The following SYNPR variants were observed in gnomAD, a reference collection of about 807,000 sequenced individuals.
SYNPR encodes the protein synaptoporin.
In SYNPR, 23 loss-of-function variants were observed where a neutral mutation model predicts 32.9. The observed-to-expected ratio is 0.70, with a 90% confidence interval of 0.50 to 0.99. The LOEUF is 0.99. Among genes scored for constraint, SYNPR ranks in the 50% least tolerant of loss-of-function variants. The probability of loss-of-function intolerance (pLI) is 0.00; values close to 1 mark genes in which losing one functional copy is unlikely to be tolerated. For synonymous variants in SYNPR, 146 were observed against 135.9 expected (o/e 1.07, Z -0.52); for missense variants, 318 against 349.3 (o/e 0.91, Z 0.71).
intron 3 of SYNPR, among the ~76,000 whole-genome samples, chr3:63,536,576 T>C (rs1178547790): frequency 6.6e-6 from 1 of 152,154 alleles, no homozygotes; most frequent in African/African-American, 2.4e-5. Context: ...AAACATATGA[T>C]TATGTTACCA....
intron 2 of SYNPR, among the ~76,000 whole-genome samples, chr3:63,349,363 G>A (rs939434377): frequency 6.6e-6 from 1 of 152,152 alleles, no homozygotes; most frequent in African/African-American, 2.4e-5. Flanking sequence ...GCCTCCCAAA[G>A]TCCTGGAATT....
intron 5 of SYNPR, among the ~76,000 whole-genome samples, chr3:63,612,693 C>T (rs892204898): frequency 1.3e-5 from 2 of 152,150 alleles, no homozygotes; most frequent in African/African-American, 4.8e-5. Flanking sequence ...TTAAATATGC[C>T]CATTGAAATG....
intron 3 of SYNPR, among the ~76,000 whole-genome samples, chr3:63,553,809 C>T (rs1465206379): frequency 6.6e-6 from 1 of 152,186 alleles, no homozygotes; most frequent in Non-Finnish European, 1.5e-5. Flanking sequence ...GCAACCTCCG[C>T]CTCCTAGGTT....
intron 2 of SYNPR, among the ~76,000 whole-genome samples, chr3:63,412,304 A>T (rs1012535241): frequency 6.6e-6 from 1 of 152,182 alleles, no homozygotes; most frequent in African/African-American, 2.4e-5. Context: ...AGTTTCAGGA[A>T]GAGTATTGCA....
chr3:63,609,363 A>T, intron 5 of SYNPR, 47 bp downstream of exon 5: 3 of 1,419,046 alleles, frequency 2.1e-6, no homozygotes, highest in Non-Finnish European at 2.8e-6. Flanking sequence ...TTTGTTTGCC[A>T]GTCAAAATAA....
chr3:63,262,074 A>G (rs1227889778), intron 2 of SYNPR, among the ~76,000 whole-genome samples: 2 of 150,362 alleles, frequency 1.3e-5, no homozygotes, highest in Non-Finnish European at 3.0e-5. Flanking sequence ...TTACCATTAC[A>G]GTTTTCATTT....
chr3:63,375,473 A>G (rs1215881016), intron 2 of SYNPR, among the ~76,000 whole-genome samples: 2 of 152,162 alleles, frequency 1.3e-5, no homozygotes, highest in Admixed American at 6.5e-5. Flanking sequence ...TCACAAGGAC[A>G]GGAAACCAAA....
chr3:63,254,554 G>A (rs1026154256), intron 2 of SYNPR, among the ~76,000 whole-genome samples: 1 of 152,146 alleles, frequency 6.6e-6, no homozygotes, highest in Non-Finnish European at 1.5e-5. Flanking sequence ...ATTGAGCACT[G>A]AGTACGTGTT....
At chr3:63,418,324 T>C (rs1471240096) in intron 2 of SYNPR, among the ~76,000 whole-genome samples, 1 of 152,150 alleles carries the variant, frequency 6.6e-6, no homozygotes, top group Non-Finnish European at 1.5e-5. Context: ...ATTGTCCCTA[T>C]CATTATCAGC....
chr3:63,384,432 C>T (rs2088015000), intron 2 of SYNPR, among the ~76,000 whole-genome samples: 1 of 152,146 alleles, frequency 6.6e-6, no homozygotes, highest in Non-Finnish European at 1.5e-5. Flanking sequence ...TTCCCAAAGT[C>T]TAGCTATTTA....
At chr3:63,385,410 G>A (rs13088965) in intron 2 of SYNPR, among the ~76,000 whole-genome samples, 1 of 151,996 alleles carries the variant, frequency 6.6e-6, no homozygotes, top group African/African-American at 2.4e-5. Context: ...TTTTCCGATG[G>A]TGTGATTCAA....
chr3:63,595,745 A>T lies in SYNPR; in HGVS notation c.409-13380A>T, dbSNP rs1408848617. On this transcript the variant is annotated intron_variant, in intron 4 of 5. Coordinates refer to ENST00000478300, the MANE Select transcript of SYNPR (RefSeq NM_001130003.2). The stretch of plus-strand genomic sequence containing the variant: ...TATATATATATATATATATATATAT[A>T]TATATATATATATATATATATATAA... Among the ~76,000 whole-genome samples the T allele has an allele frequency of 2.9e-4, 12 of 41,916 alleles. 1 individual carries two copies. The highest frequency in any genetic ancestry group is 1.7e-3 in the African/African-American group (9 of 5,338). The allele number at this position is 41,916 out of a possible 152,430, so 27.5% of individuals were successfully genotyped here.
intron 4 of SYNPR, among the ~76,000 whole-genome samples, chr3:63,576,347 C>T (rs183879223): frequency 6.6e-6 from 1 of 152,218 alleles, no homozygotes; most frequent in Admixed American, 6.5e-5. Flanking sequence ...AGAATTGTTG[C>T]TAATTTTAGA....
chr3:63,367,722 G>A (rs2087744990), intron 2 of SYNPR, among the ~76,000 whole-genome samples: 2 of 152,050 alleles, frequency 1.3e-5, no homozygotes, highest in African/African-American at 4.8e-5. Context: ...ATTTCAACTA[G>A]GGAAACAGGC....
At chr3:63,231,550 A>G (rs2086166929) in intron 1 of SYNPR, among the ~76,000 whole-genome samples, 1 of 151,682 alleles carries the variant, frequency 6.6e-6, no homozygotes, top group African/African-American at 2.4e-5. Context: ...TAAATTCTTA[A>G]GTCTTCCATC....
intron 2 of SYNPR, among the ~76,000 whole-genome samples, chr3:63,372,985 T>C (rs953368990): frequency 2.0e-5 from 3 of 152,184 alleles, no homozygotes; most frequent in African/African-American, 7.2e-5. Flanking sequence ...TTTGATAATG[T>C]ACTCCCTTGT....
intron 2 of SYNPR, among the ~76,000 whole-genome samples, chr3:63,349,263 C>T (rs1409177008): frequency 6.6e-6 from 1 of 152,020 alleles, no homozygotes; most frequent in Non-Finnish European, 1.5e-5. Context: ...CCACCACGCC[C>T]GGCTAATTTT....
At chr3:63,267,349 A>G (rs1575580950) in exon 3 of SYNPR, 3 of 152,188 alleles carry the variant, frequency 2.0e-5, no homozygotes. Context: ...TGGAGTGTCA[A>G]TAGGACCTCA....
chr3:63,251,456 A>G (rs940264551), intron 1 of SYNPR, among the ~76,000 whole-genome samples: 1 of 152,172 alleles, frequency 6.6e-6, no homozygotes, highest in Non-Finnish European at 1.5e-5. Context: ...GAGAGAAAAG[A>G]AAACTTGCTT....
Sources: allele counts gnomAD v4.1 joint callset (sites outside exome capture counted in the v4.1 genomes callset), GRCh38; gene constraint gnomAD v4.1.1; transcripts MANE v1.5; gene names NCBI Gene and HGNC (gene_info 2026-07-23, HGNC 2026-07-21).